The following YIPF4 variants were observed in gnomAD, a reference collection of about 807,000 sequenced individuals.
YIPF4 encodes the protein Yip1 domain family member 4, also known as protein YIPF4.
In YIPF4, 18 loss-of-function variants were observed where a neutral mutation model predicts 29.4. The ratio of observed to expected loss-of-function variants is 0.61; its 90% CI spans 0.42 to 0.91. The LOEUF (loss-of-function observed/expected upper bound fraction) is 0.91, where lower values mean the gene tolerates loss of function less well. Among genes scored for constraint, YIPF4 ranks in the 40% least tolerant of loss-of-function variants. YIPF4 has a pLI of 0.00. For synonymous variants in YIPF4, 115 were observed against 104.7 expected, an observed-to-expected ratio of 1.10 and a Z score of -0.60; for missense variants, 279 against 282.7, an observed-to-expected ratio of 0.99 and a Z score of 0.09.
intron 4 of YIPF4, among the ~76,000 whole-genome samples, chr2:32,298,718 C>T (rs2148965535): frequency 6.6e-6 from 1 of 151,884 alleles, no homozygotes; most frequent in Admixed American, 6.6e-5. Flanking sequence ...GCCACTATGC[C>T]CGGCTAATTT....
chr2:32,292,862 C>CAAAAAAAAA (rs1217481341), intron 3 of YIPF4, among the ~76,000 whole-genome samples: 1 of 77,892 alleles, frequency 1.3e-5, no homozygotes, highest in Non-Finnish European at 2.4e-5. Context: ...GACTCCATCT[C>CAAAAAAAAA]AAAAAAAAAA....
rs1017958142 is a variant in YIPF4 at position 32,315,422 on chromosome 2, A to G, written c.*9796A>G. On this transcript the variant is annotated 3_prime_UTR_variant, in exon 6 of 6. Coordinates refer to ENST00000238831, the MANE Select transcript of YIPF4 (RefSeq NM_032312.4). ...ATGGATGCTAGGTAGGTAAATGGCA[A>G]TGTCTGACAAAGACATGGTAGGCCA... 6.6e-6 allele frequency: 1 copy of G among 152,254 alleles called. No individual in the cohort carries two copies. Among genetic ancestry groups the G allele is most frequent in the Non-Finnish European group, 1.5e-5 (1 of 68,082 alleles). The allele number at this position is 152,254 out of a possible 1,614,324, so 9.4% of individuals were successfully genotyped here. A position where few individuals can be genotyped will look rare whatever the true frequency, so the allele number is the denominator to read the frequency against.
intron 5 of YIPF4, among the ~76,000 whole-genome samples, chr2:32,302,229 C>T (rs2148967094): frequency 6.6e-6 from 1 of 151,658 alleles, no homozygotes; most frequent in East Asian, 1.9e-4. Flanking sequence ...CAGGGTTTCA[C>T]CGTATTGTCC....
At position 32,293,037 on chromosome 2, in the gene YIPF4, ATTATTT is replaced by A. The variant is rs562362572; in HGVS notation, c.405+710_405+715del. On this transcript the variant is annotated intron_variant, in intron 3 of 5. Transcript: ENST00000238831. ...ATTCATATTTCTTACCTTTTTTTTG[ATTATTT>A]TTATTTTTATTTTTATTTTTTTATT... 9.6e-3 allele frequency among the ~76,000 whole-genome samples: 1,434 copies of A among 150,042 alleles called. 17 individuals carry two copies. Among genetic ancestry groups the A allele is most frequent in the African/African-American group, 0.029 (1,190 of 40,920 alleles).
chr2:32,306,397 G>A lies in YIPF4; in HGVS notation c.*771G>A, dbSNP rs547393198. ...GACCAAAGGAGCAAGAGGTATAATG[G>A]ATATGGCATTCATTAAAATCTTTAC... is the stretch of plus-strand genomic sequence containing the variant. On this transcript the variant is annotated 3_prime_UTR_variant, in exon 6 of 6. Coordinates refer to ENST00000238831, the MANE Select transcript of YIPF4 (RefSeq NM_032312.4). 1 of 983,700 alleles carries A rather than the reference G, an allele frequency of 1.0e-6. No individual in the cohort carries two copies. Among genetic ancestry groups the A allele is most frequent in the Admixed American group, 6.2e-5 (1 of 16,242 alleles). The allele number at this position is 983,700 out of a possible 1,614,324, so 60.9% of individuals were successfully genotyped here.
At position 32,316,344 on chromosome 2, in the gene YIPF4, A is replaced by G. The variant is rs892158996; in HGVS notation, c.*10718A>G. 2 of 152,224 alleles carry G rather than the reference A, an allele frequency of 1.3e-5. No individual in the cohort carries two copies. The highest frequency in any genetic ancestry group is 1.5e-5 in the Non-Finnish European group (1 of 68,044). The allele number at this position is 152,224 out of a possible 1,614,324, so 9.4% of individuals were successfully genotyped here. A position where few individuals can be genotyped will look rare whatever the true frequency, so the allele number is the denominator to read the frequency against. ...CAAGGGGAGGGTAAAAAGACCAACT[A>G]ATATATGTAAAGATGCACAAATTCA... is the stretch of plus-strand genomic sequence containing the variant. On this transcript the variant is annotated 3_prime_UTR_variant, in exon 6 of 6. Coordinates refer to ENST00000238831, the MANE Select transcript of YIPF4 (RefSeq NM_032312.4).
chr2:32,304,970 A>G (rs1284695597), intron 5 of YIPF4, among the ~76,000 whole-genome samples: 1 of 152,146 alleles, frequency 6.6e-6, no homozygotes, highest in Non-Finnish European at 1.5e-5. Flanking sequence ...AAAACTTAAT[A>G]AATATTAAGA....
At chr2:32,302,935 C>T (rs1470600438) in intron 5 of YIPF4, among the ~76,000 whole-genome samples, 1 of 152,152 alleles carries the variant, frequency 6.6e-6, no homozygotes, top group Admixed American at 6.6e-5. Flanking sequence ...TGGAACTAAT[C>T]AGTTCTAAAT....
At chr2:32,304,142 A>G (rs1051723299) in intron 5 of YIPF4, among the ~76,000 whole-genome samples, 3 of 152,152 alleles carry the variant, frequency 2.0e-5, no homozygotes, top group Non-Finnish European at 4.4e-5. Flanking sequence ...TGATCATTTA[A>G]TCTTCTGTGA....
At chr2:32,280,563 TA>T (rs1464015026) in intron 1 of YIPF4, among the ~76,000 whole-genome samples, 5 of 151,946 alleles carry the variant, frequency 3.3e-5, no homozygotes, top group African/African-American at 4.8e-5. Context: ...TTTGTATTTT[TA>T]GTAGAGACGG....
chr2:32,301,585 C>G (rs768249506), intron 5 of YIPF4, 90 bp downstream of exon 5: 3 of 819,662 alleles, frequency 3.7e-6, no homozygotes, highest in Non-Finnish European at 5.7e-6. Context: ...TGATATAAAA[C>G]TCTTTATCAA....
chr2:32,284,002 G>A (rs1453080558), intron 1 of YIPF4, among the ~76,000 whole-genome samples: 3 of 152,188 alleles, frequency 2.0e-5, no homozygotes, highest in African/African-American at 2.4e-5. Context: ...TTGATTACAG[G>A]CATGAGTCAC....
At chr2:32,301,982 G>C (rs1270369469) in intron 5 of YIPF4, among the ~76,000 whole-genome samples, 3 of 150,832 alleles carry the variant, frequency 2.0e-5, no homozygotes, top group Non-Finnish European at 4.4e-5. Flanking sequence ...TGGGATTACA[G>C]GCATGAGCCA....
At chr2:32,299,678 G>C (rs929281269) in intron 4 of YIPF4, among the ~76,000 whole-genome samples, 1 of 152,064 alleles carries the variant, frequency 6.6e-6, no homozygotes, top group African/African-American at 2.4e-5. Flanking sequence ...TCCAGGCATA[G>C]TGGTGTGTGC....
chr2:32,281,763 C>T (rs1433754053), intron 1 of YIPF4, among the ~76,000 whole-genome samples: 2 of 151,930 alleles, frequency 1.3e-5, no homozygotes, highest in African/African-American at 4.8e-5. Flanking sequence ...GTGGCACGCA[C>T]CTGCAATCCC....
intron 1 of YIPF4, among the ~76,000 whole-genome samples, chr2:32,280,634 G>A (rs899846453): frequency 2.6e-5 from 4 of 151,834 alleles, no homozygotes; most frequent in African/African-American, 7.3e-5. Context: ...TGCCTGCCTC[G>A]GCCTCCCAAA....
Position 32,307,094 on chromosome 2 carries a change from T to A in YIPF4, c.*1468T>A. On this transcript the variant is annotated 3_prime_UTR_variant, in exon 6 of 6. Transcript: ENST00000238831. Reference sequence around the variant, plus strand: ...TAGAAAATTACATGTACTGATTTTTTTAAAAACAGGTGAGAAGCACCAGAG... The same window carrying A: ...TAGAAAATTACATGTACTGATTTTTATAAAAACAGGTGAGAAGCACCAGAG... The A allele has an allele frequency of 1.5e-6, 2 of 1,292,420 alleles. No individual in the cohort carries two copies. The highest frequency in any genetic ancestry group is 1.3e-5 in the South Asian group (1 of 78,432). The allele number at this position is 1,292,420 out of a possible 1,614,324, so 80.1% of individuals were successfully genotyped here. A position where few individuals can be genotyped will look rare whatever the true frequency, so the allele number is the denominator to read the frequency against.
In YIPF4 at chr2:32,305,669, G is replaced by A; in HGVS notation, c.*43G>A. Reference sequence around the variant, plus strand: ...TAGAAAAAGATGGTGTTAAATTTGTGTGTAGGCTGGGAATTCTTGCTGAAG... The same window carrying A: ...TAGAAAAAGATGGTGTTAAATTTGTATGTAGGCTGGGAATTCTTGCTGAAG... On this transcript the variant is annotated 3_prime_UTR_variant, in exon 6 of 6. Coordinates refer to ENST00000238831, the MANE Select transcript of YIPF4 (RefSeq NM_032312.4). 14 of 1,422,828 alleles carry A rather than the reference G, an allele frequency of 9.8e-6. No homozygotes were observed. The highest frequency in any genetic ancestry group is 1.2e-5 in the Non-Finnish European group (13 of 1,084,122). 88.1% of individuals were successfully genotyped at this position (1,422,828 alleles called of 1,614,324 possible).
chr2:32,297,645 C>T (rs904636953), intron 3 of YIPF4, among the ~76,000 whole-genome samples: 4 of 151,654 alleles, frequency 2.6e-5, no homozygotes, highest in African/African-American at 9.7e-5. Context: ...AGCAAGACCT[C>T]GTCTCTATTA....
Sources: gnomAD v4.1 joint callset for allele counts (sites outside exome capture counted in the v4.1 genomes callset) on GRCh38, gnomAD v4.1.1 for gene constraint, MANE v1.5 for transcripts, NCBI Gene and HGNC (gene_info 2026-07-23, HGNC 2026-07-21) for gene names.